CDH12: variants seen among roughly 807,000 people sequenced by gnomAD.
CDH12 encodes cadherin-12.
In CDH12, 41 loss-of-function variants were observed where a neutral mutation model predicts 74.1. The ratio of observed to expected loss-of-function variants is 0.55; its 90% CI spans 0.43 to 0.72. CDH12 has a LOEUF of 0.72. Among genes scored for constraint, CDH12 ranks in the 30% least tolerant of loss-of-function variants. The pLI is 0.00. For missense variants in CDH12, 945 were observed against 977.2 expected, an observed-to-expected ratio of 0.97 and a Z score of 0.44; for synonymous variants, 399 against 355.0, an observed-to-expected ratio of 1.12 and a Z score of -1.39.
At chr5:22,350,642 T>G (rs1174991215) in intron 3 of CDH12, among the ~76,000 whole-genome samples, 2 of 152,210 alleles carry the variant, frequency 1.3e-5, no homozygotes, top group Non-Finnish European at 2.9e-5. Flanking sequence ...GATTTTTATC[T>G]GCAAAATATT....
At chr5:21,951,249 T>C (rs1755847828) in intron 6 of CDH12, among the ~76,000 whole-genome samples, 1 of 151,932 alleles carries the variant, frequency 6.6e-6, no homozygotes, top group Non-Finnish European at 1.5e-5. Context: ...TATTAATATT[T>C]ATTTATTTAT....
intron 4 of CDH12, among the ~76,000 whole-genome samples, chr5:22,188,091 G>T (rs1220577696): frequency 1.3e-5 from 2 of 150,664 alleles, no homozygotes; most frequent in Admixed American, 6.6e-5. Flanking sequence ...TTCCCAGCAT[G>T]TAGGTGTTGG....
intron 3 of CDH12, among the ~76,000 whole-genome samples, chr5:22,400,467 T>A (rs1244873040): frequency 1.3e-5 from 2 of 152,022 alleles, no homozygotes; most frequent in Non-Finnish European, 2.9e-5. Flanking sequence ...TTTTTAATGT[T>A]TTATTTTGCT....
At chr5:22,226,846 C>T (rs1752211406) in intron 3 of CDH12, among the ~76,000 whole-genome samples, 1 of 152,116 alleles carries the variant, frequency 6.6e-6, no homozygotes, top group South Asian at 2.1e-4. Context: ...GCAGGGGATG[C>T]CACAAAGGGC....
chr5:21,856,963 T>C (rs576517282), intron 6 of CDH12, among the ~76,000 whole-genome samples: 113 of 151,982 alleles, frequency 7.4e-4, no homozygotes, highest in African/African-American at 2.6e-3. Flanking sequence ...AAAGATTGCC[T>C]TTCTGGGTGT....
intron 3 of CDH12, among the ~76,000 whole-genome samples, chr5:22,235,454 A>G (rs1025170569): frequency 6.6e-6 from 1 of 151,868 alleles, no homozygotes; most frequent in African/African-American, 2.4e-5. Context: ...TGGTGTGGGC[A>G]CCTGTAGTCC....
At chr5:22,364,032 G>A (rs1163446579) in intron 3 of CDH12, among the ~76,000 whole-genome samples, 1 of 152,128 alleles carries the variant, frequency 6.6e-6, no homozygotes, top group Non-Finnish European at 1.5e-5. Context: ...AGGCTGCCAT[G>A]GGGTCTGTAG....
chr5:21,926,095 T>C (rs1402964124), intron 6 of CDH12, among the ~76,000 whole-genome samples: 1 of 152,110 alleles, frequency 6.6e-6, no homozygotes, highest in Non-Finnish European at 1.5e-5. Flanking sequence ...TGTAACCTTT[T>C]TTGAAAAAAA....
intron 1 of CDH12, among the ~76,000 whole-genome samples, chr5:22,769,659 AC>A (rs1347665781): frequency 6.6e-6 from 1 of 151,504 alleles, no homozygotes; most frequent in Non-Finnish European, 1.5e-5. Flanking sequence ...CCCCTAATAC[AC>A]CCCCATCCTC....
intron 1 of CDH12, among the ~76,000 whole-genome samples, chr5:22,786,305 G>A (rs1747621943): frequency 6.6e-6 from 1 of 152,094 alleles, no homozygotes; most frequent in Non-Finnish European, 1.5e-5. Flanking sequence ...CATATAATAG[G>A]GCCATTTTTG....
At chr5:21,790,811 T>C (rs773055578) in intron 10 of CDH12, among the ~76,000 whole-genome samples, 4 of 152,042 alleles carry the variant, frequency 2.6e-5, no homozygotes, top group Non-Finnish European at 5.9e-5. Context: ...ACACATTTTC[T>C]TATCTGGCAT....
intron 6 of CDH12, among the ~76,000 whole-genome samples, chr5:21,906,328 T>C (rs190807047): frequency 6.6e-6 from 1 of 152,314 alleles, no homozygotes; most frequent in Non-Finnish European, 1.5e-5. Flanking sequence ...TTAGTAAGAA[T>C]GAAATTTGCA....
chr5:22,318,498 A>G (rs1020336679), intron 3 of CDH12, among the ~76,000 whole-genome samples: 4 of 152,208 alleles, frequency 2.6e-5, no homozygotes, highest in Admixed American at 2.0e-4. Flanking sequence ...AGTATCATTT[A>G]TCAAAGTTCC....
intron 5 of CDH12, among the ~76,000 whole-genome samples, chr5:22,077,432 T>A (rs1225905724): frequency 6.6e-6 from 1 of 152,126 alleles, no homozygotes; most frequent in East Asian, 1.9e-4. Context: ...TTCAGAAAGC[T>A]CAAGGGATTT....
At chr5:22,553,586 GA>G (rs983120300) in intron 1 of CDH12, among the ~76,000 whole-genome samples, 5 of 151,726 alleles carry the variant, frequency 3.3e-5, no homozygotes, top group Non-Finnish European at 7.4e-5. Flanking sequence ...AGATCTATAT[GA>G]AAAAAAACTA....
chr5:22,796,758 G>T, intron 1 of CDH12, among the ~76,000 whole-genome samples: 1 of 101,766 alleles, frequency 9.8e-6, no homozygotes, highest in African/African-American at 5.1e-5. Context: ...TTGACCTCGT[G>T]ATCCGCCCGC....
At chr5:22,184,600 C>A (rs1749826810) in intron 4 of CDH12, among the ~76,000 whole-genome samples, 2 of 152,154 alleles carry the variant, frequency 1.3e-5, no homozygotes, top group Non-Finnish European at 2.9e-5. Flanking sequence ...ATGAACACAG[C>A]AAATGCTGAG....
At chr5:22,631,437 A>G (rs1210772635) in intron 1 of CDH12, among the ~76,000 whole-genome samples, 1 of 148,286 alleles carries the variant, frequency 6.7e-6, no homozygotes, top group African/African-American at 2.5e-5. Flanking sequence ...TATATACACC[A>G]TAGAATACTT....
rs1404627615 is a variant in CDH12, at chr5:21,832,912, TA to T, written c.814+9248del. Among the ~76,000 whole-genome samples the T allele has an allele frequency of 4.1e-3, 326 of 79,848 alleles. 1 individual carries two copies. The highest frequency in any genetic ancestry group is 6.3e-3 in the African/African-American group (73 of 11,636). 52.4% of individuals were successfully genotyped at this position (79,848 alleles called of 152,430 possible). A position where few individuals can be genotyped will look rare whatever the true frequency, so the allele number is the denominator to read the frequency against. ...AATATATATCATATAATATATGATA[TA>T]ATATTAATATATATCATATATTATA... On this transcript the variant is annotated intron_variant, in intron 8 of 14. Coordinates refer to ENST00000382254, the MANE Select transcript of CDH12 (RefSeq NM_004061.5).
Sources: allele counts gnomAD v4.1 joint callset (sites outside exome capture counted in the v4.1 genomes callset), GRCh38; gene constraint gnomAD v4.1.1; transcripts MANE v1.5; gene names NCBI Gene and HGNC (gene_info 2026-07-23, HGNC 2026-07-21).